ASIP: variants seen among roughly 807,000 people sequenced by gnomAD.
ASIP encodes the protein agouti signaling protein.
ASIP carries 11 observed loss-of-function variants against 10.3 expected under a neutral mutation model. The ratio of observed to expected loss-of-function variants is 1.07; its 90% confidence interval spans 0.68 to 1.78. The LOEUF (loss-of-function observed/expected upper bound fraction) is 1.78, where lower values mean the gene tolerates loss of function less well. ASIP is among the 40% of genes most tolerant of loss of function. ASIP has a pLI of 0.00. For missense variants in ASIP, 180 were observed against 169.2 expected, an observed-to-expected ratio of 1.06 and a Z score of -0.35; for synonymous variants, 70 against 70.8, an observed-to-expected ratio of 0.99 and a Z score of 0.06.
intron 1 of ASIP, among the ~76,000 whole-genome samples, chr20:34,251,553 C>G (rs1241907732): frequency 6.6e-6 from 1 of 152,188 alleles, no homozygotes. Context: ...GGATTACAGG[C>G]ATGAGCCACC....
intron 1 of ASIP, among the ~76,000 whole-genome samples, chr20:34,245,189 C>T (rs887962550): frequency 3.3e-5 from 5 of 151,408 alleles, no homozygotes; most frequent in Non-Finnish European, 7.4e-5. Flanking sequence ...CAAAAATTAG[C>T]TGGGCGTGGT....
intron 1 of ASIP, among the ~76,000 whole-genome samples, chr20:34,211,458 G>T (rs2034974122): frequency 6.6e-6 from 1 of 152,188 alleles, no homozygotes. Context: ...ATTGGCATTT[G>T]TTAAGATTTA....
chr20:34,236,164 AAAAG>A (rs34632318), intron 1 of ASIP, among the ~76,000 whole-genome samples: 13 of 151,384 alleles, frequency 8.6e-5, no homozygotes, highest in East Asian at 5.8e-4. Context: ...GGAGGGAGGG[AAAAG>A]AAAGAAAGAA....
At chr20:34,240,856 A>T (rs528090326), upstream of ASIP, among the ~76,000 whole-genome samples, 89 of 152,302 alleles carry the variant, frequency 5.8e-4, 1 homozygote, top group African/African-American at 2.0e-3. Context: ...ATCAATTCCA[A>T]TTCTAAAGAA....
upstream of ASIP, among the ~76,000 whole-genome samples, chr20:34,239,069 C>T (rs2035248536): frequency 1.3e-5 from 2 of 152,114 alleles, no homozygotes; most frequent in African/African-American, 4.8e-5. Context: ...ATTTAAGCCC[C>T]CAAAGACACC....
At chr20:34,233,777 A>G (rs2035142686) in intron 1 of ASIP, among the ~76,000 whole-genome samples, 1 of 152,188 alleles carries the variant, frequency 6.6e-6, no homozygotes. Flanking sequence ...AAGGGCCACA[A>G]TGATGTGGCC....
intron 3 of ASIP, 110 bp from the exon 4 acceptor site, chr20:34,268,881 G>C: frequency 2.9e-5 from 40 of 1,386,804 alleles, no homozygotes; most frequent in Non-Finnish European, 3.8e-5. Context: ...GCAAGCCAGC[G>C]GGGAAACCTC....
chr20:34,199,474 G>A (rs189768712), intron 1 of ASIP, among the ~76,000 whole-genome samples: 5 of 152,166 alleles, frequency 3.3e-5, no homozygotes, highest in Non-Finnish European at 5.9e-5. Context: ...CCTCATCAGT[G>A]GTTGGTATTG....
intron 3 of ASIP, among the ~76,000 whole-genome samples, chr20:34,263,801 T>G (rs187200889): frequency 5.1e-4 from 78 of 152,044 alleles, no homozygotes; most frequent in African/African-American, 1.8e-3. Context: ...CCCGAGTAGC[T>G]GGAATTACAG....
intron 3 of ASIP, among the ~76,000 whole-genome samples, chr20:34,266,225 G>A (rs1200627200): frequency 6.6e-6 from 1 of 152,026 alleles, no homozygotes; most frequent in Non-Finnish European, 1.5e-5. Context: ...GGTGGCGGGC[G>A]CCTGTAGTCC....
Position 34,269,009 on chromosome 20 carries a change from A to C in ASIP, c.241A>C (p.Lys81Gln). The C allele has an allele frequency of 6.2e-7, 1 of 1,607,828 alleles. No individual in the cohort carries two copies. The highest frequency in any genetic ancestry group is 1.7e-4 in the Middle Eastern group (1 of 6,044). ...CACGCAGAAGGAGGCTTCGATGAAG[A>C]AAGTGGTGCGGCCCCGGACCCCCCT... ...RSSKKEASMK[K>Q]VVRPRTPLSA... is the part of the protein sequence containing the mutation. Residue 81 changes from lysine (K) to glutamine (Q), a missense_variant, in exon 4 of 4, where the codon AAA becomes CAA. Transcript: ENST00000374954.
intron 1 of ASIP, among the ~76,000 whole-genome samples, chr20:34,258,783 A>AG (rs2035633896): frequency 8.6e-6 from 1 of 116,374 alleles, no homozygotes; most frequent in African/African-American, 3.0e-5. Flanking sequence ...TATATAGTAT[A>AG]TATATAGTGT....
Position 34,256,894 on chromosome 20 carries a change from C to T in ASIP, c.-10-3471C>T, listed in dbSNP as rs1002061375. On this transcript the variant is annotated intron_variant, in intron 1 of 3. Transcript: ENST00000374954. Reference sequence around the variant, plus strand: ...TTCCTGGGGTCAGGTGATTCTCCCACCTCAGCCACCCGAGTAGCTGGGAAC... The same window carrying T: ...TTCCTGGGGTCAGGTGATTCTCCCATCTCAGCCACCCGAGTAGCTGGGAAC... 3.3e-5 allele frequency among the ~76,000 whole-genome samples: 5 copies of T among 152,090 alleles called. No homozygotes were observed. The East Asian group carries it at 7.7e-4, about 23-fold the overall frequency.
intron 1 of ASIP, among the ~76,000 whole-genome samples, chr20:34,204,219 T>C (rs2034919829): frequency 1.3e-5 from 2 of 151,970 alleles, no homozygotes; most frequent in African/African-American, 2.4e-5. Context: ...AGTTATTTTT[T>C]TAATTTTTTT....
chr20:34,219,998 G>A (rs1369524426), intron 1 of ASIP, among the ~76,000 whole-genome samples: 1 of 152,172 alleles, frequency 6.6e-6, no homozygotes, highest in Non-Finnish European at 1.5e-5. Context: ...GCTGAGGCAG[G>A]AGAATGGCAT....
At position 34,200,980 on chromosome 20, in the gene ASIP, C is replaced by T. The variant is rs866904279; in HGVS notation, c.-11+6220C>T. Among the ~76,000 whole-genome samples, 86 of 46,706 alleles carry T rather than the reference C, an allele frequency of 1.8e-3. 3 individuals are homozygous for T. The highest frequency in any genetic ancestry group is 0.015 in the African/African-American group (68 of 4,572). 30.6% of individuals were successfully genotyped at this position (46,706 alleles called of 152,430 possible). ...TCTTTCTTTCTTTCTTTCCTTCCTT[C>T]CTTCCTTCCTTCCTTCCTTCCTTCC... is the stretch of plus-strand genomic sequence containing the variant. On this transcript the variant is annotated intron_variant, in intron 1 of 3. Transcript: ENST00000568305.
chr20:34,191,919 C>T (rs1414594870), upstream of ASIP, among the ~76,000 whole-genome samples: 1 of 151,998 alleles, frequency 6.6e-6, no homozygotes, highest in Non-Finnish European at 1.5e-5. Context: ...TTAATAGAGA[C>T]GGGGTTTCAC....
At chr20:34,217,505 C>A (rs935237753) in intron 1 of ASIP, among the ~76,000 whole-genome samples, 9 of 152,144 alleles carry the variant, frequency 5.9e-5, no homozygotes, top group African/African-American at 2.2e-4. Flanking sequence ...TTTCAGGTAC[C>A]TTACTACAAT....
Position 34,260,346 on chromosome 20 carries a change from C to G in ASIP, c.-10-19C>G. ...TACCCCTGACCCACCCACCTGACCA[C>G]CTTCTCTGTCCCACTCAGGCCTCCT... On this transcript the variant is annotated intron_variant, in intron 1 of 3. Coordinates refer to ENST00000374954, the MANE Select transcript of ASIP (RefSeq NM_001672.3). 1 of 1,601,664 alleles carries G rather than the reference C, an allele frequency of 6.2e-7. No homozygotes were observed. Among genetic ancestry groups the G allele is most frequent in the South Asian group, 1.1e-5 (1 of 89,760 alleles).
Sources: gnomAD v4.1 joint callset for allele counts (sites outside exome capture counted in the v4.1 genomes callset) on GRCh38, gnomAD v4.1.1 for gene constraint, MANE v1.5 for transcripts, NCBI Gene and HGNC (gene_info 2026-07-23, HGNC 2026-07-21) for gene names.